Variants in FGF1 observed in about 807,000 individuals in gnomAD.
The protein encoded by FGF1 is fibroblast growth factor 1, also known as beta-endothelial cell growth factor.
Under a neutral mutation model 13.4 loss-of-function variants are expected in FGF1, and 9 were observed. The observed-to-expected ratio is 0.67, with a 90% confidence interval of 0.40 to 1.17. The LOEUF is 1.17. Ranked by LOEUF, FGF1 falls within the 50% of genes most tolerant of loss-of-function variation. FGF1 has a pLI of 0.01. For synonymous variants in FGF1, 93 were observed against 79.0 expected, an observed-to-expected ratio of 1.18 and a Z score of -0.94; for missense variants, 156 against 192.7, an observed-to-expected ratio of 0.81 and a Z score of 1.13.
At chr5:142,602,207 T>C (rs535428144) in intron 2 of FGF1, among the ~76,000 whole-genome samples, 1 of 151,830 alleles carries the variant, frequency 6.6e-6, no homozygotes, top group African/African-American at 2.4e-5. Flanking sequence ...GACGGAGTCT[T>C]GTTCTGTTGC....
In FGF1 at chr5:142,632,985, T is replaced by G. The variant is rs1014529071; in HGVS notation, c.-34-18824A>C. ...GCCAGGCTGGAGTACAGTGGCACAA[T>G]CTCGGCTCACTGCAACCTCCACCTC... is the stretch of plus-strand genomic sequence containing the variant. On this transcript the variant is annotated intron_variant, in intron 1 of 3. Coordinates refer to ENST00000337706, the MANE Select transcript of FGF1 (RefSeq NM_000800.5). 2.3e-4 allele frequency among the ~76,000 whole-genome samples: 35 copies of G among 151,352 alleles called. 1 individual carries two copies. The highest frequency in any genetic ancestry group is 2.6e-4 in the Admixed American group (4 of 15,178).
intron 1 of FGF1, among the ~76,000 whole-genome samples, chr5:142,664,149 G>A (rs1769835318): frequency 6.6e-6 from 1 of 152,176 alleles, no homozygotes; most frequent in South Asian, 2.1e-4. Flanking sequence ...GCCCCAGGGG[G>A]AGGAAGGAGG....
chr5:142,673,335 G>T (rs371111357), intron 1 of FGF1, among the ~76,000 whole-genome samples: 6 of 152,266 alleles, frequency 3.9e-5, no homozygotes, highest in African/African-American at 1.4e-4. Context: ...TCCTATCTCA[G>T]CCAATGATAC....
At chr5:142,668,917 G>A (rs1003799332) in intron 1 of FGF1, among the ~76,000 whole-genome samples, 1 of 152,204 alleles carries the variant, frequency 6.6e-6, no homozygotes, top group African/African-American at 2.4e-5. Context: ...GAAGAGGAAG[G>A]GGTCAGGAGG....
intron 1 of FGF1, among the ~76,000 whole-genome samples, chr5:142,650,300 A>T (rs760243461): frequency 1.3e-5 from 2 of 152,230 alleles, no homozygotes; most frequent in Non-Finnish European, 2.9e-5. Context: ...GGAATCCATG[A>T]CATTTATCAA....
At chr5:142,683,532 AT>A (rs1774109379) in intron 1 of FGF1, among the ~76,000 whole-genome samples, 1 of 152,202 alleles carries the variant, frequency 6.6e-6, no homozygotes, top group Non-Finnish European at 1.5e-5. Flanking sequence ...AAATATAGTA[AT>A]TAAGAAAATT....
chr5:142,619,696 G>A (rs1269462191), intron 1 of FGF1, among the ~76,000 whole-genome samples: 4 of 152,060 alleles, frequency 2.6e-5, no homozygotes, highest in Non-Finnish European at 5.9e-5. Context: ...AGCCGGGCAT[G>A]GTGGCGCATG....
At chr5:142,661,451 G>T (rs533488736) in intron 1 of FGF1, among the ~76,000 whole-genome samples, 1 of 152,106 alleles carries the variant, frequency 6.6e-6, no homozygotes, top group African/African-American at 2.4e-5. Flanking sequence ...TAAGCATAGC[G>T]TTACCATATG....
At chr5:142,630,696 C>T (rs1029284585) in intron 1 of FGF1, among the ~76,000 whole-genome samples, 2 of 152,134 alleles carry the variant, frequency 1.3e-5, no homozygotes, top group Non-Finnish European at 2.9e-5. Flanking sequence ...TGCCTTCCTA[C>T]AAATTGGTCC....
intron 1 of FGF1, among the ~76,000 whole-genome samples, chr5:142,617,168 C>G (rs371204459): frequency 2.0e-5 from 3 of 152,014 alleles, no homozygotes; most frequent in East Asian, 3.9e-4. Context: ...CGTTCAAGAC[C>G]AGTCTGGCCA....
chr5:142,656,681 TAGC>T (rs1768233411), intron 1 of FGF1, among the ~76,000 whole-genome samples: 1 of 152,132 alleles, frequency 6.6e-6, no homozygotes, highest in African/African-American at 2.4e-5. Flanking sequence ...TCTAAGCAAA[TAGC>T]AGGCAGCCAT....
chr5:142,630,920 G>A (rs55826663), intron 1 of FGF1, among the ~76,000 whole-genome samples: 3,746 of 152,188 alleles, frequency 0.025, 168 homozygotes, highest in African/African-American at 0.086. Context: ...ATCCATCCAT[G>A]CGTTTTCTTG....
At chr5:142,667,473 C>G (rs1459506109) in intron 1 of FGF1, among the ~76,000 whole-genome samples, 3 of 150,762 alleles carry the variant, frequency 2.0e-5, no homozygotes, top group Admixed American at 6.6e-5. Flanking sequence ...GTAGTCCCAG[C>G]TACTTGGGAG....
chr5:142,635,692 A>G (rs1238308854), intron 1 of FGF1, among the ~76,000 whole-genome samples: 2 of 152,184 alleles, frequency 1.3e-5, no homozygotes, highest in East Asian at 3.9e-4. Flanking sequence ...CTGCCTGGGA[A>G]TCACATAGGT....
At chr5:142,637,573 C>T (rs1414514121) in intron 1 of FGF1, among the ~76,000 whole-genome samples, 1 of 152,008 alleles carries the variant, frequency 6.6e-6, no homozygotes, top group African/African-American at 2.4e-5. Flanking sequence ...CCTGCCTCGG[C>T]CTCCCAGAGT....
intron 1 of FGF1, among the ~76,000 whole-genome samples, chr5:142,670,910 A>G (rs960834448): frequency 1.3e-5 from 2 of 152,246 alleles, no homozygotes; most frequent in Non-Finnish European, 2.9e-5. Context: ...TAGTTAGACA[A>G]AAATGGAAAA....
chr5:142,650,196 G>A (rs1330546466), intron 1 of FGF1, among the ~76,000 whole-genome samples: 1 of 152,172 alleles, frequency 6.6e-6, no homozygotes, highest in Non-Finnish European at 1.5e-5. Flanking sequence ...CAGGGGGAGG[G>A]ATGGAGATGA....
chr5:142,653,064 C>T (rs574840296), intron 1 of FGF1, among the ~76,000 whole-genome samples: 1 of 152,286 alleles, frequency 6.6e-6, no homozygotes, highest in Non-Finnish European at 1.5e-5. Context: ...GCCCTGTGGT[C>T]GGCAGCCCAG....
intron 1 of FGF1, among the ~76,000 whole-genome samples, chr5:142,644,898 G>A (rs1765761518): frequency 6.6e-6 from 1 of 152,210 alleles, no homozygotes; most frequent in African/African-American, 2.4e-5. Context: ...AAGCACGGTA[G>A]CTCCACTTGG....
Sources: gnomAD v4.1 joint callset for allele counts (sites outside exome capture counted in the v4.1 genomes callset) on GRCh38, gnomAD v4.1.1 for gene constraint, MANE v1.5 for transcripts, NCBI Gene and HGNC (gene_info 2026-07-23, HGNC 2026-07-21) for gene names.